Variants in HTR3B observed in about 807,000 individuals in gnomAD.
The protein encoded by HTR3B is 5-hydroxytryptamine receptor 3B.
Under a neutral mutation model 42.8 loss-of-function variants are expected in HTR3B, and 44 were observed. The ratio of observed to expected loss-of-function variants is 1.03; its 90% CI spans 0.81 to 1.32. The LOEUF is 1.32. HTR3B is among the 40% of genes most tolerant of loss of function. HTR3B has a pLI of 0.00. For missense variants in HTR3B, 527 were observed against 536.5 expected, an observed-to-expected ratio of 0.98 and a Z score of 0.17; for synonymous variants, 203 against 209.0, an observed-to-expected ratio of 0.97 and a Z score of 0.25.
chr11:113,946,235 T>C lies in HTR3B; in HGVS notation c.*98T>C. The C allele has an allele frequency of 1.1e-6, 1 of 929,212 alleles. No homozygotes were observed. Among genetic ancestry groups the C allele is most frequent in the Non-Finnish European group, 1.7e-6 (1 of 598,642 alleles). The allele number at this position is 929,212 out of a possible 1,614,324, so 57.6% of individuals were successfully genotyped here. A position where few individuals can be genotyped will look rare whatever the true frequency, so the allele number is the denominator to read the frequency against. On this transcript the variant is annotated 3_prime_UTR_variant, in exon 9 of 9. Transcript: ENST00000260191. ...AGCTTTCTGGGTCGGGTGTGGTGGT[T>C]CTTGCCTATAGTCCCAGTGCTTTGG...
chr11:113,942,440 C>T (rs956792277), intron 6 of HTR3B, among the ~76,000 whole-genome samples: 1 of 152,086 alleles, frequency 6.6e-6, no homozygotes, highest in Non-Finnish European at 1.5e-5. Flanking sequence ...GCCTGGGCAA[C>T]AAGAGCGAAA....
chr11:113,903,493 G>A (rs187621820), upstream of HTR3B, among the ~76,000 whole-genome samples: 5 of 146,464 alleles, frequency 3.4e-5, no homozygotes, highest in Admixed American at 7.0e-5. Context: ...GCAGTGGCGC[G>A]ATCTTGGTTC....
upstream of HTR3B, among the ~76,000 whole-genome samples, chr11:113,900,558 A>G (rs1317811798): frequency 5.3e-5 from 8 of 152,028 alleles, no homozygotes; most frequent in African/African-American, 1.9e-4. Flanking sequence ...CAATGACGCA[A>G]TCTCGGCTCA....
intron 2 of HTR3B, among the ~76,000 whole-genome samples, chr11:113,922,716 C>A (rs1009616835): frequency 1.3e-5 from 2 of 151,968 alleles, no homozygotes; most frequent in Admixed American, 1.3e-4. Flanking sequence ...CCACTACGCC[C>A]GGCTAATTTT....
intron 2 of HTR3B, among the ~76,000 whole-genome samples, chr11:113,920,320 G>A (rs538065237): frequency 2.0e-4 from 31 of 152,056 alleles, no homozygotes; most frequent in Middle Eastern, 3.4e-3. Context: ...GAGCCACCGC[G>A]CCTGGCCCAG....
chr11:113,927,293 A>G (rs1055577027), intron 2 of HTR3B, among the ~76,000 whole-genome samples: 4 of 152,012 alleles, frequency 2.6e-5, no homozygotes, highest in African/African-American at 9.7e-5. Context: ...TTTTATTACT[A>G]CTGAGGTTAA....
intron 7 of HTR3B, 142 bp from the exon 8 acceptor site, chr11:113,944,431 G>A (rs1167454413): frequency 1.1e-5 from 8 of 713,034 alleles, no homozygotes; most frequent in East Asian, 8.1e-5. Flanking sequence ...AGCCCAATAC[G>A]TTAAGGCTAC....
At chr11:113,898,941 A>G in the HTR3B span, among the ~76,000 whole-genome samples, 1 of 152,280 alleles carries the variant, frequency 6.6e-6, no homozygotes, top group East Asian at 1.9e-4. Context: ...AATTTGTGGT[A>G]ATTTTTAATG....
At chr11:113,945,440 T>G (rs1950169326) in intron 8 of HTR3B, among the ~76,000 whole-genome samples, 1 of 152,202 alleles carries the variant, frequency 6.6e-6, no homozygotes, top group Non-Finnish European at 1.5e-5. Context: ...CCAGCCTATT[T>G]GTTTGTTTTT....
In HTR3B at chr11:113,932,299, G is replaced by A; in HGVS notation, c.379G>A (p.Glu127Lys). ...TTGTGTTTCATATAGTGTGGACATT[G>A]AAAGATACCCTGACCTTCCCTATGT... ...DIIINEFVDI[E>K]RYPDLPYVYV... Residue 127 changes from glutamate to lysine, a missense_variant, in exon 5 of 9, where the codon GAA (glutamate) becomes AAA (lysine). Glu to Lys is a moderately conservative substitution (Grantham distance 56). Coordinates refer to ENST00000260191, the MANE Select transcript of HTR3B (RefSeq NM_006028.5). The A allele has an allele frequency of 6.2e-7, 1 of 1,612,152 alleles. No homozygotes were observed. The highest frequency in any genetic ancestry group is 1.3e-5 in the African/African-American group (1 of 74,970).
intron 6 of HTR3B, among the ~76,000 whole-genome samples, chr11:113,933,522 A>G (rs1950058941): frequency 6.6e-6 from 1 of 152,162 alleles, no homozygotes; most frequent in South Asian, 2.1e-4. Context: ...CTAATTCCAG[A>G]TGCAGATGCA....
chr11:113,934,434 G>T (rs1193819203), intron 6 of HTR3B, among the ~76,000 whole-genome samples: 1 of 146,130 alleles, frequency 6.8e-6, no homozygotes, highest in African/African-American at 2.5e-5. Flanking sequence ...AAGAAGGAAA[G>T]AAAGAAAGAA....
At chr11:113,906,125 G>A (rs1332761617) in intron 1 of HTR3B, among the ~76,000 whole-genome samples, 1 of 152,160 alleles carries the variant, frequency 6.6e-6, no homozygotes, top group African/African-American at 2.4e-5. Flanking sequence ...AAATGTAGCA[G>A]AAAGAAGTGT....
At chr11:113,910,639 C>T (rs905466944) in intron 2 of HTR3B, among the ~76,000 whole-genome samples, 5 of 151,308 alleles carry the variant, frequency 3.3e-5, no homozygotes, top group Admixed American at 3.3e-4. Context: ...CGGGGTTTCA[C>T]CTGTTGGACA....
At position 113,909,437 on chromosome 11, in the gene HTR3B, C is replaced by A. The variant is rs778435870; in HGVS notation, c.195C>A (p.Val65=). The change falls in exon 2 of 9, where the codon GTC becomes GTA. Residue 65 remains valine, a synonymous_variant. Transcript: ENST00000260191. ...KATTVYLDLF[V]HAILDVDAEN... Reference sequence around the variant, plus strand: ...CCACAGTCTACCTGGACCTGTTCGTCCATGCTATATTGGATGTGGTAAGGA... The same window carrying A: ...CCACAGTCTACCTGGACCTGTTCGTACATGCTATATTGGATGTGGTAAGGA... The A allele has an allele frequency of 6.2e-7, 1 of 1,614,106 alleles. No individual in the cohort carries two copies. Among genetic ancestry groups the A allele is most frequent in the Non-Finnish European group, 8.5e-7 (1 of 1,179,984 alleles).
At chr11:113,920,115 G>A (rs899780216) in intron 2 of HTR3B, among the ~76,000 whole-genome samples, 12 of 151,792 alleles carry the variant, frequency 7.9e-5, no homozygotes, top group African/African-American at 2.7e-4. Flanking sequence ...CACAACCTCC[G>A]CCTCCCGGGT....
At position 113,945,978 on chromosome 11, in the gene HTR3B, C is replaced by G. The variant is rs771835074; in HGVS notation, c.1167C>G (p.Ser389Arg). 10 of 1,614,048 alleles carry G rather than the reference C, an allele frequency of 6.2e-6. No individual in the cohort carries two copies. The Admixed American group carries it at 6.7e-5, about 11-fold the overall frequency. The change falls in exon 9 of 9, where the codon AGC (serine) becomes AGG (arginine). Residue 389 changes from serine to arginine, a missense_variant. Coordinates refer to ENST00000260191, the MANE Select transcript of HTR3B (RefSeq NM_006028.5). ...KEVWSQLQSI[S>R]NYLQTQDQTD... ...TCTGGTCGCAGCTTCAATCTATCAG[C>G]AACTACCTCCAAACTCAGGACCAGA...
chr11:113,909,317 T>A lies in HTR3B; in HGVS notation c.75T>A (p.His25Gln). ...VAAGILATDTHHPQDSALYHL... is the reference protein window; with the variant it reads ...VAAGILATDTQHPQDSALYHL... ...CAGGAATTCTAGCCACAGATACACATCATCCCCAGGATTCTGCTCTGTATC... is the reference window on the plus strand; with the variant it reads ...CAGGAATTCTAGCCACAGATACACAACATCCCCAGGATTCTGCTCTGTATC... The change falls in exon 2 of 9, where the codon CAT (histidine) becomes CAA (glutamine). Residue 25 changes from histidine (H) to glutamine (Q), a missense_variant. Coordinates refer to ENST00000260191, the MANE Select transcript of HTR3B (RefSeq NM_006028.5). 2 of 1,612,524 alleles carry A rather than the reference T, an allele frequency of 1.2e-6. No individual in the cohort carries two copies. The highest frequency in any genetic ancestry group is 1.7e-6 in the Non-Finnish European group (2 of 1,178,524).
At chr11:113,901,506 T>C (rs1045437444), upstream of HTR3B, among the ~76,000 whole-genome samples, 10 of 150,460 alleles carry the variant, frequency 6.6e-5, no homozygotes, top group African/African-American at 2.2e-4. Context: ...ACACTAAGAT[T>C]AGAAAAAGAA....
Sources: allele counts gnomAD v4.1 joint callset (sites outside exome capture counted in the v4.1 genomes callset), GRCh38; gene constraint gnomAD v4.1.1; transcripts MANE v1.5; gene names NCBI Gene and HGNC (gene_info 2026-07-23, HGNC 2026-07-21).